The following CDH7 variants were observed in gnomAD, a reference collection of about 807,000 sequenced individuals.
CDH7 encodes the protein cadherin-7.
CDH7 carries 25 observed loss-of-function variants against 71.8 expected under a neutral mutation model. The observed-to-expected ratio is 0.35, with a 90% CI of 0.25 to 0.49. The LOEUF (loss-of-function observed/expected upper bound fraction) is 0.49. Among genes scored for constraint, CDH7 ranks in the 20% least tolerant of loss-of-function variants. CDH7 has a pLI of 0.99. For missense variants in CDH7, 862 were observed against 974.6 expected (o/e 0.88, Z 1.54); for synonymous variants, 381 against 363.8 (o/e 1.05, Z -0.54).
intron 6 of CDH7, among the ~76,000 whole-genome samples, chr18:65,839,475 C>T (rs1220708024): frequency 6.6e-6 from 1 of 152,168 alleles, no homozygotes; most frequent in Non-Finnish European, 1.5e-5. Context: ...CAGGTCCCAC[C>T]TCCTAATGGC....
intron 9 of CDH7, among the ~76,000 whole-genome samples, chr18:65,859,307 C>G (rs918230455): frequency 6.6e-6 from 1 of 152,136 alleles, no homozygotes. Context: ...AGACTCCTTT[C>G]GGAGAAAGAC....
intron 2 of CDH7, chr18:65,803,539 A>G (rs573102680): frequency 4.1e-4 from 63 of 152,292 alleles, no homozygotes; most frequent in African/African-American, 1.4e-3. Context: ...AGTAATAATT[A>G]TAAATTAGGA....
chr18:65,807,450 T>TG (rs1911365559), intron 2 of CDH7, among the ~76,000 whole-genome samples: 7 of 152,204 alleles, frequency 4.6e-5, no homozygotes, highest in Admixed American at 1.3e-4. Context: ...TGAAAGTCGT[T>TG]AATGTGATTT....
chr18:65,800,326 G>A (rs1020974065), intron 2 of CDH7, among the ~76,000 whole-genome samples: 3 of 152,122 alleles, frequency 2.0e-5, no homozygotes, highest in East Asian at 1.9e-4. Context: ...TGATCCTCCC[G>A]CCTTAGCCTC....
intron 6 of CDH7, among the ~76,000 whole-genome samples, chr18:65,835,678 T>G (rs1912508284): frequency 6.6e-6 from 1 of 152,220 alleles, no homozygotes; most frequent in African/African-American, 2.4e-5. Flanking sequence ...GGAATTGGCC[T>G]GAGCTGTAAG....
At chr18:65,833,409 C>G (rs180765218) in intron 6 of CDH7, among the ~76,000 whole-genome samples, 1 of 152,188 alleles carries the variant, frequency 6.6e-6, no homozygotes, top group African/African-American at 2.4e-5. Flanking sequence ...TTCTTCCTCT[C>G]ATTAATTGTT....
At chr18:65,817,588 C>G (rs1438734811) in intron 4 of CDH7, among the ~76,000 whole-genome samples, 1 of 152,072 alleles carries the variant, frequency 6.6e-6, no homozygotes. Flanking sequence ...AACTCATTAG[C>G]AGATTTTTAT....
chr18:65,811,415 A>G (rs1002833069), intron 3 of CDH7, among the ~76,000 whole-genome samples: 11 of 152,172 alleles, frequency 7.2e-5, no homozygotes, highest in Non-Finnish European at 1.3e-4. Flanking sequence ...AGAAGAATCA[A>G]TGCTTGTGGC....
At chr18:65,754,772 C>T (rs1442901285) in intron 1 of CDH7, among the ~76,000 whole-genome samples, 1 of 152,074 alleles carries the variant, frequency 6.6e-6, no homozygotes, top group Non-Finnish European at 1.5e-5. Flanking sequence ...AATATACTGT[C>T]CTGAGTTGGT....
chr18:65,806,505 A>G (rs541785120), intron 2 of CDH7, among the ~76,000 whole-genome samples: 1 of 152,276 alleles, frequency 6.6e-6, no homozygotes, highest in African/African-American at 2.4e-5. Flanking sequence ...ATAGAGCACA[A>G]ATACTTGTCT....
At chr18:65,834,243 G>T (rs887794123) in intron 6 of CDH7, among the ~76,000 whole-genome samples, 40 of 152,194 alleles carry the variant, frequency 2.6e-4, no homozygotes, top group African/African-American at 9.4e-4. Context: ...GAATGGAGAT[G>T]TGTAGGATGG....
At chr18:65,867,586 T>C (rs2144048510) in intron 11 of CDH7, among the ~76,000 whole-genome samples, 1 of 152,300 alleles carries the variant, frequency 6.6e-6, no homozygotes, top group African/African-American at 2.4e-5. Context: ...ATATTAAATA[T>C]TGTACTCCTA....
intron 5 of CDH7, 132 bp downstream of exon 5, chr18:65,822,380 AT>A: frequency 1.5e-6 from 1 of 668,460 alleles, no homozygotes; most frequent in Non-Finnish European, 2.5e-6. Flanking sequence ...TCAAATTTGC[AT>A]TTTATTAGAG....
intron 3 of CDH7, among the ~76,000 whole-genome samples, chr18:65,811,843 T>G (rs1911548803): frequency 6.6e-6 from 1 of 152,108 alleles, no homozygotes; most frequent in African/African-American, 2.4e-5. Flanking sequence ...TTGATGGTAC[T>G]CTGACATGAA....
chr18:65,783,688 G>T (rs1224726954), intron 2 of CDH7, among the ~76,000 whole-genome samples: 1 of 152,004 alleles, frequency 6.6e-6, no homozygotes, highest in Non-Finnish European at 1.5e-5. Context: ...CTGCAATGGG[G>T]GTTCACAAGT....
chr18:65,875,726 A>C (rs1914054847), intron 11 of CDH7, among the ~76,000 whole-genome samples: 1 of 152,136 alleles, frequency 6.6e-6, no homozygotes, highest in African/African-American at 2.4e-5. Context: ...CATTGAGCTC[A>C]AGGAGTTCGA....
At chr18:65,780,654 A>G (rs921388272) in intron 2 of CDH7, among the ~76,000 whole-genome samples, 12 of 149,484 alleles carry the variant, frequency 8.0e-5, no homozygotes, top group African/African-American at 2.5e-4. Flanking sequence ...GTTCTGTTCC[A>G]TTGATCTATA....
chr18:65,771,985 A>T (rs1034088668), intron 2 of CDH7, among the ~76,000 whole-genome samples: 15 of 152,124 alleles, frequency 9.9e-5, no homozygotes, highest in African/African-American at 3.6e-4. Context: ...AACCAAAATG[A>T]TTAACATCAT....
intron 11 of CDH7, among the ~76,000 whole-genome samples, chr18:65,870,540 T>C (rs1232386581): frequency 6.6e-6 from 1 of 152,108 alleles, no homozygotes; most frequent in Non-Finnish European, 1.5e-5. Flanking sequence ...AAGCAAGGCA[T>C]GTTTGGCCAC....
Sources: gnomAD v4.1 joint callset for allele counts (sites outside exome capture counted in the v4.1 genomes callset) on GRCh38, gnomAD v4.1.1 for gene constraint, MANE v1.5 for transcripts, NCBI Gene and HGNC (gene_info 2026-07-23, HGNC 2026-07-21) for gene names.